The following SPAG16 variants were observed in gnomAD, a reference collection of about 807,000 sequenced individuals.
SPAG16 encodes the protein sperm associated antigen 16, also known as sperm-associated antigen 16 protein.
A neutral mutation model predicts 80.4 loss-of-function variants in SPAG16; 86 were observed. That is an observed-to-expected ratio of 1.07 (90% confidence interval 0.90 to 1.28). The LOEUF (loss-of-function observed/expected upper bound fraction) is 1.28, where lower values mean the gene tolerates loss of function less well. Among genes scored for constraint, SPAG16 ranks in the 50% most tolerant of loss-of-function variants. The pLI, the probability that SPAG16 is intolerant of heterozygous loss-of-function variation, is 0.00. For missense variants in SPAG16, 870 were observed against 765.3 expected (o/e 1.14, Z -1.61); for synonymous variants, 294 against 265.9 (o/e 1.11, Z -1.03).
chr2:214,182,367 A>G (rs2057335166), intron 15 of SPAG16, among the ~76,000 whole-genome samples: 1 of 151,836 alleles, frequency 6.6e-6, no homozygotes, highest in African/African-American at 2.4e-5. Context: ...AATACCGTCT[A>G]TGCCTTTTCA....
chr2:213,744,432 C>T (rs548811102), intron 10 of SPAG16, among the ~76,000 whole-genome samples: 6 of 152,268 alleles, frequency 3.9e-5, no homozygotes, highest in African/African-American at 1.4e-4. Context: ...GCTCTCCAAG[C>T]TTGGCAGTTA....
At chr2:214,109,309 G>T (rs1248685503) in intron 14 of SPAG16, among the ~76,000 whole-genome samples, 1 of 152,142 alleles carries the variant, frequency 6.6e-6, no homozygotes, top group Non-Finnish European at 1.5e-5. Flanking sequence ...ATCAAAGAAG[G>T]ATGATTTAAG....
chr2:213,819,941 G>GT (rs71063785), intron 10 of SPAG16, among the ~76,000 whole-genome samples: 78,788 of 132,068 alleles, frequency 0.6, 24,875 homozygotes, highest in South Asian at 0.84. Context: ...AATTTTTCGT[G>GT]TTTTTTTTTT....
At chr2:214,097,677 G>A (rs867125540) in intron 13 of SPAG16, among the ~76,000 whole-genome samples, 2 of 151,946 alleles carry the variant, frequency 1.3e-5, no homozygotes, top group African/African-American at 2.4e-5. Context: ...GTGTGTGTGC[G>A]TGTGTGTGCA....
chr2:213,727,316 C>T (rs1272974463), intron 10 of SPAG16, among the ~76,000 whole-genome samples: 4 of 152,030 alleles, frequency 2.6e-5, no homozygotes, highest in Admixed American at 2.0e-4. Context: ...AAGAGACTGG[C>T]AGTTTTTTTA....
At chr2:214,212,344 T>A (rs888215328) in intron 15 of SPAG16, among the ~76,000 whole-genome samples, 2 of 152,144 alleles carry the variant, frequency 1.3e-5, no homozygotes. Flanking sequence ...TATCACCGCC[T>A]CAGAGGTAAC....
At chr2:213,323,540 C>T (rs2063717375) in intron 5 of SPAG16, among the ~76,000 whole-genome samples, 1 of 152,150 alleles carries the variant, frequency 6.6e-6, no homozygotes, top group Non-Finnish European at 1.5e-5. Flanking sequence ...AGTGGTGCAG[C>T]CACCACTGAA....
chr2:213,362,543 G>A (rs1251039145), intron 7 of SPAG16, among the ~76,000 whole-genome samples: 2 of 152,170 alleles, frequency 1.3e-5, no homozygotes, highest in South Asian at 4.1e-4. Flanking sequence ...AACATCATCA[G>A]TTTTAAGTAC....
chr2:214,131,935 C>T (rs2054803886), intron 14 of SPAG16, among the ~76,000 whole-genome samples: 1 of 152,002 alleles, frequency 6.6e-6, no homozygotes. Context: ...AAACTGTGAG[C>T]TTTGGATGAT....
At chr2:214,054,944 A>G (rs530376322) in intron 13 of SPAG16, among the ~76,000 whole-genome samples, 13 of 152,296 alleles carry the variant, frequency 8.5e-5, no homozygotes, top group Non-Finnish European at 1.6e-4. Flanking sequence ...ATATGCATAC[A>G]CTAATTCCTT....
At chr2:213,587,581 A>C (rs2060516847) in intron 10 of SPAG16, among the ~76,000 whole-genome samples, 1 of 152,004 alleles carries the variant, frequency 6.6e-6, no homozygotes, top group Non-Finnish European at 1.5e-5. Context: ...GCACCTGACT[A>C]TTCATACCAA....
At chr2:213,350,707 T>A in intron 7 of SPAG16, 62 bp downstream of exon 7, 1 of 884,996 alleles carries the variant, frequency 1.1e-6, no homozygotes, top group African/African-American at 1.7e-5. Flanking sequence ...ATAATACAAG[T>A]AGAAATACTG....
chr2:213,306,740 C>T (rs951482613), intron 3 of SPAG16, among the ~76,000 whole-genome samples: 36 of 151,932 alleles, frequency 2.4e-4, no homozygotes, highest in African/African-American at 6.8e-4. Flanking sequence ...GCACTATTTT[C>T]GAATGTAAAA....
chr2:213,599,632 T>C (rs2060994817), intron 10 of SPAG16, among the ~76,000 whole-genome samples: 1 of 152,232 alleles, frequency 6.6e-6, no homozygotes, highest in African/African-American at 2.4e-5. Flanking sequence ...GTTAACCGAC[T>C]TGTTGATGTT....
At chr2:213,388,522 CAGT>C (rs947769219) in intron 9 of SPAG16, among the ~76,000 whole-genome samples, 12 of 152,230 alleles carry the variant, frequency 7.9e-5, no homozygotes, top group African/African-American at 2.9e-4. Context: ...CCTGAGAAAA[CAGT>C]AAGGTTACTG....
chr2:213,408,300 A>G (rs574692901), intron 9 of SPAG16, among the ~76,000 whole-genome samples: 1 of 152,196 alleles, frequency 6.6e-6, no homozygotes, highest in East Asian at 1.9e-4. Context: ...TAGCCTTCCT[A>G]TAAAAAATCC....
chr2:213,289,506 G>GT (rs1221400431), intron 1 of SPAG16, among the ~76,000 whole-genome samples: 38 of 152,264 alleles, frequency 2.5e-4, no homozygotes, highest in South Asian at 4.1e-4. Context: ...AGACTGTGTG[G>GT]TAAAAACTGC....
chr2:214,139,334 TG>T (rs1473721969), intron 14 of SPAG16, among the ~76,000 whole-genome samples: 1 of 152,092 alleles, frequency 6.6e-6, no homozygotes, highest in Non-Finnish European at 1.5e-5. Context: ...TTTTCCCTGT[TG>T]TTGCTTAATT....
chr2:213,594,515 G>C (rs1042512345), intron 10 of SPAG16, among the ~76,000 whole-genome samples: 51 of 152,118 alleles, frequency 3.4e-4, no homozygotes, highest in Non-Finnish European at 6.8e-4. Flanking sequence ...GAGAATGGGG[G>C]TGTGCTCACT....
Sources: gnomAD v4.1 joint callset for allele counts (sites outside exome capture counted in the v4.1 genomes callset) on GRCh38, gnomAD v4.1.1 for gene constraint, MANE v1.5 for transcripts, NCBI Gene and HGNC (gene_info 2026-07-23, HGNC 2026-07-21) for gene names.